The following FREM2 variants were observed in gnomAD, a reference collection of about 807,000 sequenced individuals.
FREM2 encodes FRAS1-related extracellular matrix protein 2.
A neutral mutation model predicts 219.9 loss-of-function variants in FREM2; 119 were observed. The ratio of observed to expected loss-of-function variants is 0.54; its 90% CI spans 0.47 to 0.63. The LOEUF (loss-of-function observed/expected upper bound fraction) is 0.63, where lower values mean the gene tolerates loss of function less well. FREM2 is among the 30% of genes least tolerant of loss of function. The probability of loss-of-function intolerance (pLI) is 0.00; values close to 1 mark genes in which losing one functional copy is unlikely to be tolerated. For missense variants in FREM2, 4,030 were observed against 3,993.6 expected, an observed-to-expected ratio of 1.01 and a Z score of -0.25; for synonymous variants, 1,562 against 1,522.8, an observed-to-expected ratio of 1.03 and a Z score of -0.60.
intron 17 of FREM2, among the ~76,000 whole-genome samples, chr13:38,874,039 A>C (rs1400356395): frequency 2.0e-5 from 3 of 152,164 alleles, no homozygotes; most frequent in Admixed American, 1.3e-4. Context: ...TCTGGAGCCA[A>C]ATTTTATCAA....
intron 21 of FREM2, 133 bp from the exon 22 acceptor site, chr13:38,878,001 C>T (rs1878401180): frequency 1.2e-6 from 1 of 800,546 alleles, no homozygotes; most frequent in East Asian, 2.6e-5. Flanking sequence ...GCAAACAGGC[C>T]TTCAACATTT....
intron 2 of FREM2, among the ~76,000 whole-genome samples, chr13:38,761,251 G>A (rs1327429444): frequency 1.3e-5 from 2 of 152,156 alleles, no homozygotes; most frequent in African/African-American, 2.4e-5. Context: ...GAAGTCATAG[G>A]TGTTAGAATG....
intron 12 of FREM2, among the ~76,000 whole-genome samples, chr13:38,857,624 C>A (rs184911370): frequency 2.0e-5 from 3 of 152,264 alleles, no homozygotes; most frequent in Admixed American, 2.0e-4. Flanking sequence ...CCTCATGGGC[C>A]GCTGGCCAAC....
intron 4 of FREM2, among the ~76,000 whole-genome samples, chr13:38,770,122 G>A (rs1160417001): frequency 2.0e-5 from 3 of 147,088 alleles, no homozygotes; most frequent in Non-Finnish European, 4.5e-5. Flanking sequence ...CATATTACCA[G>A]AAAATCTTTT....
chr13:38,880,287 G>T lies in FREM2; in HGVS notation c.9010G>T (p.Ala3004Ser). The change falls in exon 24 of 24, where the codon GCT becomes TCT. Residue 3004 changes from alanine to serine, a missense_variant. By Grantham distance (99) the Ala-to-Ser change is moderately conservative. Around this residue, in one of 2 missense-constraint regions of FREM2, gnomAD observed 928 missense variants for 1,042.9 expected, o/e 0.89. Transcript: ENST00000280481. Reference protein sequence around the residue: ...KVDSTPLFQVALGREWYIHTI... With the variant: ...KVDSTPLFQVSLGREWYIHTI... ...TAAATAGAGTTGTGCTTTCTAGGTCGCTCTAGGCCGAGAATGGTATATACA... is the reference window on the plus strand; with the variant it reads ...TAAATAGAGTTGTGCTTTCTAGGTCTCTCTAGGCCGAGAATGGTATATACA... 4 of 1,613,536 alleles carry T rather than the reference G, an allele frequency of 2.5e-6. No homozygotes were observed. The highest frequency in any genetic ancestry group is 2.5e-6 in the Non-Finnish European group (3 of 1,179,864).
chr13:38,749,244 C>T (rs1031404656), intron 2 of FREM2, among the ~76,000 whole-genome samples: 4 of 152,082 alleles, frequency 2.6e-5, no homozygotes, highest in Non-Finnish European at 5.9e-5. Context: ...CTCTAACTTC[C>T]GAAAGGATTA....
intron 6 of FREM2, among the ~76,000 whole-genome samples, chr13:38,791,739 T>A (rs1195351644): frequency 1.3e-5 from 2 of 152,126 alleles, no homozygotes; most frequent in African/African-American, 2.4e-5. Context: ...TTATTACAAT[T>A]CAAGGTGAGA....
intron 6 of FREM2, among the ~76,000 whole-genome samples, chr13:38,845,959 A>G (rs545182844): frequency 6.6e-5 from 10 of 152,330 alleles, no homozygotes; most frequent in African/African-American, 2.2e-4. Flanking sequence ...TTTATTTAGT[A>G]AAGTCTCACT....
In FREM2 at chr13:38,784,802, G is replaced by T. The variant is rs775036177; in HGVS notation, c.6013G>T (p.Asp2005Tyr). Residue 2005 changes from aspartate to tyrosine, a missense_variant, in exon 6 of 24, where the codon GAT (aspartate) becomes TAT (tyrosine). Around this residue, in one of 2 missense-constraint regions of FREM2, gnomAD observed 3,102 missense variants for 2,950.7 expected, o/e 1.05. Transcript: ENST00000280481. ...TCAAGTTACAATCGTTCCTGACAAA[G>T]ATGATGGTGAGTACTAATTTACTTG... Reference protein sequence around the residue: ...GAQVTIVPDKDDEPIFYFGDV... With the variant: ...GAQVTIVPDKYDEPIFYFGDV... 1.9e-6 allele frequency: 3 copies of T among 1,614,108 alleles called. No homozygotes were observed. The South Asian group carries it at 3.3e-5, about 18-fold the overall frequency.
intron 6 of FREM2, among the ~76,000 whole-genome samples, chr13:38,836,137 C>T (rs12164864): frequency 0.26 from 39,728 of 151,862 alleles, 6,931 homozygotes; most frequent in African/African-American, 0.49. Flanking sequence ...GTTTATTGAG[C>T]GTTTTTAGCA....
Position 38,690,351 on chromosome 13 carries a change from C to A in FREM2, c.3007C>A (p.Gln1003Lys), listed in dbSNP as rs773609204. 6.2e-7 allele frequency: 1 copy of A among 1,614,220 alleles called. No homozygotes were observed. The highest frequency in any genetic ancestry group is 1.1e-5 in the South Asian group (1 of 91,088). ...CTTGGTCAATGGCATTCCAGCAGAG[C>A]AGTTTACTCAAAGGGACATCTTGGA... is the stretch of plus-strand genomic sequence containing the variant. Reference protein sequence around the residue: ...EILVNGIPAEQFTQRDILEGS... With the variant: ...EILVNGIPAEKFTQRDILEGS... The change falls in exon 1 of 24, where the codon CAG (glutamine) becomes AAG (lysine). Residue 1003 changes from glutamine to lysine, a missense_variant. Gln to Lys is a moderately conservative substitution (Grantham distance 53). Transcript: ENST00000280481.
chr13:38,769,760 T>C lies in FREM2; in HGVS notation c.5593T>C (p.Leu1865=). The change falls in exon 4 of 24, where the codon TTG becomes CTG. Residue 1865 remains leucine, a synonymous_variant. Transcript: ENST00000280481. ...ACTCTCAGAGCCCGTGCTGGCTGCCTTGGAATTCCCCACAGTCGCCACTGT... is the reference window on the plus strand; with the variant it reads ...ACTCTCAGAGCCCGTGCTGGCTGCCCTGGAATTCCCCACAGTCGCCACTGT... ...VVLSEPVLAA[L]EFPTVATVEI... is the part of the protein sequence containing the mutation. 6.2e-7 allele frequency: 1 copy of C among 1,614,144 alleles called. No homozygotes were observed. The highest frequency in any genetic ancestry group is 8.5e-7 in the Non-Finnish European group (1 of 1,179,998).
chr13:38,870,281 T>A (rs573632220), intron 16 of FREM2, among the ~76,000 whole-genome samples: 1 of 152,162 alleles, frequency 6.6e-6, no homozygotes, highest in East Asian at 1.9e-4. Flanking sequence ...CTTACCCCAG[T>A]GTGTAGCAGA....
rs1217702429 is a variant in FREM2 at position 38,728,696 on chromosome 13, AC to A, written c.5263+30911del. 3.7e-3 allele frequency among the ~76,000 whole-genome samples: 17 copies of A among 4,616 alleles called. No individual in the cohort carries two copies. The Non-Finnish European group carries it at 0.16, about 43-fold the overall frequency. 3.0% of individuals were successfully genotyped at this position (4,616 alleles called of 152,430 possible). A position where few individuals can be genotyped will look rare whatever the true frequency, so the allele number is the denominator to read the frequency against. ...CAAAGTGCTAGGATTATATGTGTGA[AC>A]CACCCGTACCTGGCTAACACTGTTA... On this transcript the variant is annotated intron_variant, in intron 2 of 23. Coordinates refer to ENST00000280481, the MANE Select transcript of FREM2 (RefSeq NM_207361.6).
chr13:38,813,500 CT>C (rs1353982899), intron 6 of FREM2, among the ~76,000 whole-genome samples: 70 of 16,592 alleles, frequency 4.2e-3, no homozygotes, highest in African/African-American at 9.5e-3. Flanking sequence ...CTCTCTCTCT[CT>C]CTCTCTCTCT....
chr13:38,696,621 A>AT (rs1032058285), intron 1 of FREM2, among the ~76,000 whole-genome samples: 14 of 152,058 alleles, frequency 9.2e-5, no homozygotes, highest in Non-Finnish European at 1.6e-4. Flanking sequence ...GAACAAAACG[A>AT]TTTTTTTCTT....
Position 38,850,118 on chromosome 13 carries a change from G to A in FREM2, c.6460G>A (p.Gly2154Arg), listed in dbSNP as rs573497901. ...GQIVTMIHRT[G>R]DVQYRSSVRC... ...GATAGTTACAATGATCCATAGGACT[G>A]GGGATGTCCAGTACAGATCTTCAGT... The change falls in exon 9 of 24, where the codon GGG becomes AGG. Residue 2154 changes from glycine (G) to arginine (R), a missense_variant. By Grantham distance (125) the Gly-to-Arg change is moderately radical (BLOSUM62 -2). Transcript: ENST00000280481. 1.2e-6 allele frequency: 2 copies of A among 1,613,732 alleles called. No individual in the cohort carries two copies. Among genetic ancestry groups the A allele is most frequent in the East Asian group, 2.2e-5 (1 of 44,862 alleles).
chr13:38,703,745 A>T (rs1384407287), intron 2 of FREM2, among the ~76,000 whole-genome samples: 1 of 152,210 alleles, frequency 6.6e-6, no homozygotes. Context: ...ATTATACATT[A>T]TATGAATATA....
intron 6 of FREM2, among the ~76,000 whole-genome samples, chr13:38,785,650 C>G (rs1362327765): frequency 6.6e-6 from 1 of 152,128 alleles, no homozygotes; most frequent in African/African-American, 2.4e-5. Context: ...CAGGAAAGGT[C>G]TTTGATAGTT....
Sources: allele counts gnomAD v4.1 joint callset (sites outside exome capture counted in the v4.1 genomes callset), GRCh38; gene constraint gnomAD v4.1.1; regional missense constraint gnomAD v4.1.1; transcripts MANE v1.5; gene names NCBI Gene and HGNC (gene_info 2026-07-23, HGNC 2026-07-21).